Variants in ESRRG observed in about 807,000 individuals in gnomAD.
ESRRG encodes estrogen related receptor gamma.
ESRRG carries 13 observed loss-of-function variants against 44.0 expected under a neutral mutation model. That is an observed-to-expected ratio of 0.30 (90% CI 0.19 to 0.47). ESRRG has a LOEUF of 0.47. Ranked by LOEUF, ESRRG falls within the 20% of genes least tolerant of loss-of-function variation. The probability of loss-of-function intolerance (pLI) is 1.00; values close to 1 mark genes in which losing one functional copy is unlikely to be tolerated. For synonymous variants in ESRRG, 215 were observed against 214.6 expected, an observed-to-expected ratio of 1.00 and a Z score of -0.02; for missense variants, 395 against 580.6, an observed-to-expected ratio of 0.68 and a Z score of 3.29.
chr1:216,824,809 T>G (rs1168855167), intron 2 of ESRRG, among the ~76,000 whole-genome samples: 1 of 152,232 alleles, frequency 6.6e-6, no homozygotes, highest in Non-Finnish European at 1.5e-5. Context: ...ATGGCAAATT[T>G]GTCGCAGATT....
chr1:216,651,883 C>A (rs11117642), intron 2 of ESRRG, among the ~76,000 whole-genome samples: 23,416 of 151,926 alleles, frequency 0.15, 2,225 homozygotes, highest in East Asian at 0.36. Context: ...ACTAAGAAAC[C>A]AGAAGAAGAT....
chr1:216,600,689 T>A (rs1373083349), intron 3 of ESRRG, among the ~76,000 whole-genome samples: 15 of 152,074 alleles, frequency 9.9e-5, no homozygotes, highest in Admixed American at 9.8e-4. Flanking sequence ...AATAAATAAA[T>A]CCACTCTTGA....
chr1:216,617,198 C>T (rs1191343579), intron 3 of ESRRG, among the ~76,000 whole-genome samples: 1 of 152,130 alleles, frequency 6.6e-6, no homozygotes, highest in Non-Finnish European at 1.5e-5. Flanking sequence ...TTTAACTTCT[C>T]AAGCAACAGA....
chr1:216,755,015 G>A (rs1190467151), intron 2 of ESRRG, among the ~76,000 whole-genome samples: 2 of 151,878 alleles, frequency 1.3e-5, no homozygotes, highest in Admixed American at 1.3e-4. Context: ...GGAGAGTATG[G>A]CTTTCATGTT....
chr1:216,521,962 C>T (rs1428321567), intron 5 of ESRRG, among the ~76,000 whole-genome samples: 3 of 152,204 alleles, frequency 2.0e-5, no homozygotes, highest in Non-Finnish European at 2.9e-5. Flanking sequence ...GCGACATTTA[C>T]GTGCACGGAA....
chr1:216,697,707 G>A (rs998940532), intron 1 of ESRRG, among the ~76,000 whole-genome samples: 1 of 152,214 alleles, frequency 6.6e-6, no homozygotes, highest in Non-Finnish European at 1.5e-5. Context: ...CGAGGTTAGA[G>A]CCCTCCATCA....
chr1:216,863,201 C>T (rs2096082704), intron 2 of ESRRG: 1 of 152,168 alleles, frequency 6.6e-6, no homozygotes, highest in African/African-American at 2.4e-5. Flanking sequence ...TTCTAACAGG[C>T]TCTCTGTGAA....
chr1:216,938,854 A>G (rs1235304560), intron 2 of ESRRG, among the ~76,000 whole-genome samples: 2 of 152,196 alleles, frequency 1.3e-5, no homozygotes, highest in African/African-American at 4.8e-5. Context: ...ACTCTCCAAC[A>G]AAAGAATCTT....
chr1:217,115,960 C>A (rs1431666878), intron 1 of ESRRG, among the ~76,000 whole-genome samples: 1 of 152,116 alleles, frequency 6.6e-6, no homozygotes, highest in East Asian at 1.9e-4. Flanking sequence ...AGAATAAATT[C>A]ATGAGTGAGT....
chr1:216,951,821 CTTG>C (rs775211803), intron 1 of ESRRG, among the ~76,000 whole-genome samples: 2 of 151,052 alleles, frequency 1.3e-5, no homozygotes, highest in South Asian at 2.1e-4. Context: ...AATTCTGACT[CTTG>C]TTAAGTATTT....
rs916232097 is a variant in ESRRG at position 216,505,267 on chromosome 1, G to C, written c.*1672C>G. On this transcript the variant is annotated 3_prime_UTR_variant, in exon 7 of 7. Transcript: ENST00000408911. ...GGGCATCTAATTGATTTCTTCATTA[G>C]ATTACACCTCTTAACAGTCTGGAAC... is the stretch of plus-strand genomic sequence containing the variant. The C allele has an allele frequency of 6.6e-6, 1 of 152,564 alleles. No homozygotes were observed. The highest frequency in any genetic ancestry group is 2.4e-5 in the African/African-American group (1 of 41,442). The allele number at this position is 152,564 out of a possible 1,614,324, so 9.5% of individuals were successfully genotyped here.
At chr1:216,911,714 T>G in intron 2 of ESRRG, among the ~76,000 whole-genome samples, 1 of 152,228 alleles carries the variant, frequency 6.6e-6, no homozygotes, top group Non-Finnish European at 1.5e-5. Flanking sequence ...GGAAACTCTC[T>G]GTACTTTCCT....
intron 6 of ESRRG, among the ~76,000 whole-genome samples, chr1:216,514,415 G>A (rs2043583674): frequency 6.6e-6 from 1 of 152,048 alleles, no homozygotes; most frequent in Non-Finnish European, 1.5e-5. Context: ...GCCACACAAA[G>A]CTTACATATA....
chr1:216,506,205 A>G lies in ESRRG; in HGVS notation c.*734T>C, dbSNP rs1274350242. 1 of 154,354 alleles carries G rather than the reference A, an allele frequency of 6.5e-6. No individual in the cohort carries two copies. The highest frequency in any genetic ancestry group is 1.4e-5 in the Non-Finnish European group (1 of 69,206). 9.6% of individuals were successfully genotyped at this position (154,354 alleles called of 1,614,324 possible). On this transcript the variant is annotated 3_prime_UTR_variant, in exon 7 of 7. Transcript: ENST00000408911. Reference sequence around the variant, plus strand: ...AGTTGTCTAATTAGAGGCTGCTCCCATGAAATCTAATACTGCACTCAGTCA... The same window carrying G: ...AGTTGTCTAATTAGAGGCTGCTCCCGTGAAATCTAATACTGCACTCAGTCA...
At chr1:216,920,175 A>G (rs894854260) in intron 2 of ESRRG, among the ~76,000 whole-genome samples, 4 of 152,182 alleles carry the variant, frequency 2.6e-5, no homozygotes, top group Non-Finnish European at 5.9e-5. Context: ...GCACTACAAA[A>G]AGTGTTTGTT....
At chr1:216,791,960 T>C (rs1190987279) in intron 2 of ESRRG, among the ~76,000 whole-genome samples, 1 of 152,150 alleles carries the variant, frequency 6.6e-6, no homozygotes, top group Non-Finnish European at 1.5e-5. Context: ...ATTAGTCCCA[T>C]TGCCATCAAG....
At chr1:216,557,982 C>T (rs925966234) in intron 5 of ESRRG, among the ~76,000 whole-genome samples, 1 of 152,178 alleles carries the variant, frequency 6.6e-6, no homozygotes, top group East Asian at 1.9e-4. Flanking sequence ...GTCCTGGGAA[C>T]AAGCAAAAGC....
intron 1 of ESRRG, among the ~76,000 whole-genome samples, chr1:217,126,902 A>G (rs2092898776): frequency 6.6e-6 from 1 of 152,144 alleles, no homozygotes; most frequent in African/African-American, 2.4e-5. Context: ...TAGACATTGG[A>G]TTGATTGTTT....
intron 2 of ESRRG, among the ~76,000 whole-genome samples, chr1:216,918,366 G>T (rs1015885412): frequency 1.3e-5 from 2 of 152,108 alleles, no homozygotes; most frequent in Non-Finnish European, 2.9e-5. Flanking sequence ...ACACCTTGCT[G>T]TCTCGGTCAT....
Sources: gnomAD v4.1 joint callset for allele counts (sites outside exome capture counted in the v4.1 genomes callset) on GRCh38, gnomAD v4.1.1 for gene constraint, MANE v1.5 for transcripts, NCBI Gene and HGNC (gene_info 2026-07-23, HGNC 2026-07-21) for gene names.